The following ALDH1A3 variants were observed in gnomAD, a reference collection of about 807,000 sequenced individuals.
ALDH1A3 encodes the protein aldehyde dehydrogenase 1 family member A3, also known as retinaldehyde dehydrogenase 3.
A neutral mutation model predicts 57.5 loss-of-function variants in ALDH1A3; 28 were observed. That is an observed-to-expected ratio of 0.49 (90% CI 0.36 to 0.67). The LOEUF (loss-of-function observed/expected upper bound fraction) is 0.67, where lower values mean the gene tolerates loss of function less well. Ranked by LOEUF, ALDH1A3 falls within the 30% of genes least tolerant of loss-of-function variation. The pLI, the probability that ALDH1A3 is intolerant of heterozygous loss-of-function variation, is 0.00. For missense variants in ALDH1A3, 507 were observed against 669.4 expected, an observed-to-expected ratio of 0.76 and a Z score of 2.68; for synonymous variants, 281 against 264.8, an observed-to-expected ratio of 1.06 and a Z score of -0.59.
At chr15:100,890,008 G>C (rs2041633858) in intron 3 of ALDH1A3, among the ~76,000 whole-genome samples, 1 of 152,210 alleles carries the variant, frequency 6.6e-6, no homozygotes, top group Non-Finnish European at 1.5e-5. Context: ...GTTTATTTCT[G>C]TGCTCAGTGT....
chr15:100,898,131 G>T lies in ALDH1A3; in HGVS notation c.829G>T (p.Val277Leu). 10 of 1,614,168 alleles carry T rather than the reference G, an allele frequency of 6.2e-6. No individual in the cohort carries two copies. The highest frequency in any genetic ancestry group is 8.5e-6 in the Non-Finnish European group (10 of 1,180,010). The change falls in exon 8 of 13, where the codon GTG becomes TTG. Residue 277 changes from valine to leucine, a missense_variant. Coordinates refer to ENST00000329841, the MANE Select transcript of ALDH1A3 (RefSeq NM_000693.4). ...TGCGTCCCGGAGCAATCTGAAGCGG[G>T]TGACGCTGGAGCTGGGGGGGAAGAA... ...EAASRSNLKR[V>L]TLELGGKNPC...
intron 9 of ALDH1A3, among the ~76,000 whole-genome samples, chr15:100,904,605 T>C (rs184121930): frequency 6.6e-6 from 1 of 152,268 alleles, no homozygotes; most frequent in East Asian, 1.9e-4. Context: ...CAGATCATGA[T>C]AAAGGACAAG....
rs141781259 is a variant in ALDH1A3 at position 100,887,320 on chromosome 15, G to A, written c.205-252G>A. On this transcript the variant is annotated intron_variant, in intron 2 of 12. Coordinates refer to ENST00000329841, the MANE Select transcript of ALDH1A3 (RefSeq NM_000693.4). The surrounding 1 kb of genome is among the most constrained non-coding windows in gnomAD (Gnocchi z 4.6). ...AAGATGACACCCAAACTGCAGTCACGTCAAAAGATGACACCCAAACTGCAG... is the reference window on the plus strand; with the variant it reads ...AAGATGACACCCAAACTGCAGTCACATCAAAAGATGACACCCAAACTGCAG... Among the ~76,000 whole-genome samples the A allele has an allele frequency of 1.4e-4, 20 of 147,544 alleles. No individual in the cohort carries two copies. Among genetic ancestry groups the A allele is most frequent in the South Asian group, 4.3e-4 (2 of 4,644 alleles).
Position 100,893,193 on chromosome 15 carries a change from A to G in ALDH1A3, c.537+187A>G. 1 of 509,080 alleles carries G rather than the reference A, an allele frequency of 2.0e-6. No individual in the cohort carries two copies. Among genetic ancestry groups the G allele is most frequent in the Non-Finnish European group, 3.4e-6 (1 of 293,166 alleles). The allele number at this position is 509,080 out of a possible 1,614,324, so 31.5% of individuals were successfully genotyped here. On this transcript the variant is annotated intron_variant, in intron 5 of 12. Transcript: ENST00000329841. The surrounding 1 kb of genome is among the most constrained non-coding windows in gnomAD (Gnocchi z 4.8). The stretch of plus-strand genomic sequence containing the variant: ...GATTAGACCCCATTTCTGCTCTCCT[A>G]AGACCGGCTTTAGGCATGCCACAGA...
Position 100,907,193 on chromosome 15 carries a change from G to A in ALDH1A3, c.1306G>A (p.Asp436Asn), listed in dbSNP as rs145630728. ...EEVIKRANST[D>N]YGLTAAVFTK... ...AGTGATAAAAAGAGCGAATAGCACC[G>A]ACTATGGACTCACAGCAGCCGTGTT... is the stretch of plus-strand genomic sequence containing the variant. The change falls in exon 11 of 13, where the codon GAC (aspartate) becomes AAC (asparagine). Residue 436 changes from aspartate (D) to asparagine (N), a missense_variant. This residue lies in a region of ALDH1A3 where 432 missense variants were observed against 608.4 expected (regional missense o/e 0.71). Coordinates refer to ENST00000329841, the MANE Select transcript of ALDH1A3 (RefSeq NM_000693.4). 1.6e-4 allele frequency: 266 copies of A among 1,614,112 alleles called. No individual in the cohort carries two copies. The highest frequency in any genetic ancestry group is 7.7e-5 in the South Asian group (7 of 91,074).
At chr15:100,909,376 C>T (rs2041859835) in intron 12 of ALDH1A3, among the ~76,000 whole-genome samples, 1 of 151,046 alleles carries the variant, frequency 6.6e-6, no homozygotes, top group Non-Finnish European at 1.5e-5. Flanking sequence ...TGTAAACCCA[C>T]TGCAAACCCC....
Position 100,892,653 on chromosome 15 carries a change from ATTATAGC to A in ALDH1A3, c.475+17_475+23del. The A allele has an allele frequency of 6.3e-7, 1 of 1,596,018 alleles. No homozygotes were observed. The highest frequency in any genetic ancestry group is 8.5e-7 in the Non-Finnish European group (1 of 1,174,742). Reference sequence around the variant, plus strand: ...CCATCCCCACAGGTGAGCAAGGTGGATTATAGCTTCATTTGGGATCCCTTTGGGGCTA... The same window carrying A: ...CCATCCCCACAGGTGAGCAAGGTGGATTCATTTGGGATCCCTTTGGGGCTA... On this transcript the variant is annotated intron_variant, in intron 4 of 12. Transcript: ENST00000329841.
intron 1 of ALDH1A3, among the ~76,000 whole-genome samples, chr15:100,882,485 C>T (rs910924069): frequency 2.6e-5 from 4 of 152,144 alleles, no homozygotes; most frequent in Non-Finnish European, 5.9e-5. Context: ...AATAAAATTC[C>T]CCCAAATCTC....
In ALDH1A3 at chr15:100,897,633, C is replaced by G. The variant is rs60161129; in HGVS notation, c.781-450C>G. 5.6e-3 allele frequency among the ~76,000 whole-genome samples: 858 copies of G among 152,374 alleles called. 7 individuals are homozygous for G. The highest frequency in any genetic ancestry group is 0.02 in the African/African-American group (813 of 41,598). On this transcript the variant is annotated intron_variant, in intron 7 of 12. Coordinates refer to ENST00000329841, the MANE Select transcript of ALDH1A3 (RefSeq NM_000693.4). The stretch of plus-strand genomic sequence containing the variant: ...CACTTGGAGGTTCCCTCAGATCACA[C>G]CAAAGAGCCACACAGAACCACCCCC...
At chr15:100,910,029 C>T (rs2041867620) in intron 12 of ALDH1A3, among the ~76,000 whole-genome samples, 3 of 152,218 alleles carry the variant, frequency 2.0e-5, no homozygotes, top group South Asian at 4.1e-4. Context: ...GTGTGGCTCT[C>T]TTTTGAGATT....
intron 12 of ALDH1A3, among the ~76,000 whole-genome samples, chr15:100,910,878 A>G (rs866217894): frequency 6.6e-5 from 10 of 152,104 alleles, no homozygotes; most frequent in Admixed American, 3.3e-4. Context: ...AGGGCCCCCA[A>G]TCCCTGGTGT....
At position 100,915,883 on chromosome 15, in the gene ALDH1A3, C is replaced by T. The variant is rs1197800308; in HGVS notation, c.*1110C>T. ...TCATCCAAGTGGCCTGAGTATTTCA[C>T]TGGCAGGTTGTGAATTTTTCTTTTC... On this transcript the variant is annotated 3_prime_UTR_variant, in exon 13 of 13. Transcript: ENST00000329841. 1 of 152,208 alleles carries T rather than the reference C, an allele frequency of 6.6e-6. No homozygotes were observed. The highest frequency in any genetic ancestry group is 1.5e-5 in the Non-Finnish European group (1 of 68,046). The allele number at this position is 152,208 out of a possible 1,614,324, so 9.4% of individuals were successfully genotyped here.
intron 8 of ALDH1A3, 25 bp downstream of exon 8, chr15:100,898,210 T>C (rs2041729358): frequency 6.3e-7 from 1 of 1,599,978 alleles, no homozygotes; most frequent in Non-Finnish European, 8.6e-7. Flanking sequence ...TCCTGGGCTT[T>C]GCTGGGGCTT....
intron 12 of ALDH1A3, 25 bp downstream of exon 12, chr15:100,908,507 C>A: frequency 6.3e-7 from 1 of 1,581,794 alleles, no homozygotes. Context: ...CATTCTGAGC[C>A]TGCCGTGGGC....
At chr15:100,900,855 G>C (rs2041760693) in intron 9 of ALDH1A3, 96 bp downstream of exon 9, 1 of 1,350,288 alleles carries the variant, frequency 7.4e-7, no homozygotes, top group Non-Finnish European at 1.0e-6. Context: ...CTCCGTGAAA[G>C]GAATGCTGAC....
chr15:100,890,698 C>T (rs1239299876), intron 3 of ALDH1A3, among the ~76,000 whole-genome samples: 1 of 152,202 alleles, frequency 6.6e-6, no homozygotes, highest in Non-Finnish European at 1.5e-5. Flanking sequence ...GAGGCAGAAT[C>T]TTGGCTCCAT....
At chr15:100,897,942 C>T (rs2041724065) in intron 7 of ALDH1A3, 141 bp from the exon 8 acceptor site, 1 of 661,316 alleles carries the variant, frequency 1.5e-6, no homozygotes, top group Non-Finnish European at 2.7e-6. Flanking sequence ...GAAGGGACGG[C>T]ATCGGGGCCT....
chr15:100,893,969 C>T lies in ALDH1A3; in HGVS notation c.553C>T (p.Leu185=), dbSNP rs2041676437. The T allele has an allele frequency of 6.2e-7, 1 of 1,614,014 alleles. No individual in the cohort carries two copies. ...GAITPWNFPL[L]MLVWKLAPAL... is the part of the protein sequence containing the mutation. Reference sequence around the variant, plus strand: ...TCTGTCGCAGTGGAACTTCCCCCTGCTGATGCTGGTGTGGAAGCTGGCACC... The same window carrying T: ...TCTGTCGCAGTGGAACTTCCCCCTGTTGATGCTGGTGTGGAAGCTGGCACC... The change falls in exon 6 of 13, where the codon CTG becomes TTG. Residue 185 remains leucine, a synonymous_variant. Coordinates refer to ENST00000329841, the MANE Select transcript of ALDH1A3 (RefSeq NM_000693.4). This position sits in a 1 kb window ranked among gnomAD's most constrained non-coding sequence, Gnocchi z 4.8.
At chr15:100,908,749 G>T (rs2041851818) in intron 12 of ALDH1A3, among the ~76,000 whole-genome samples, 1 of 152,138 alleles carries the variant, frequency 6.6e-6, no homozygotes, top group Admixed American at 6.5e-5. Flanking sequence ...GACATTCAGT[G>T]GATATTTGAC....
Sources: allele counts gnomAD v4.1 joint callset (sites outside exome capture counted in the v4.1 genomes callset), GRCh38; gene constraint gnomAD v4.1.1; regional missense constraint gnomAD v4.1.1; non-coding constraint Gnocchi (gnomAD v3.1); transcripts MANE v1.5; gene names NCBI Gene and HGNC (gene_info 2026-07-23, HGNC 2026-07-21).